Variants in RANBP2 observed in about 807,000 individuals in gnomAD.
RANBP2 encodes RAN binding protein 2.
A neutral mutation model predicts 303.6 loss-of-function variants in RANBP2; 57 were observed. That is an observed-to-expected ratio of 0.19 (90% CI 0.15 to 0.23). The LOEUF is 0.23. Ranked by LOEUF, RANBP2 falls within the 10% of genes least tolerant of loss-of-function variation. The probability of loss-of-function intolerance (pLI) is 1.00; values close to 1 mark genes in which losing one functional copy is unlikely to be tolerated. For synonymous variants in RANBP2, 1,167 were observed against 1,301.5 expected, an observed-to-expected ratio of 0.90 and a Z score of 2.23; for missense variants, 3,138 against 3,780.8, an observed-to-expected ratio of 0.83 and a Z score of 4.46.
the RANBP2 span, among the ~76,000 whole-genome samples, chr2:109,460,224 A>G: frequency 6.6e-6 from 1 of 152,240 alleles, no homozygotes; most frequent in African/African-American, 2.4e-5. Flanking sequence ...CTTTGGCAGA[A>G]GCATTGTGTG....
At chr2:108,896,944 A>G in the RANBP2 span, 1 of 1,612,920 alleles carries the variant, frequency 6.2e-7, no homozygotes, top group South Asian at 1.1e-5. Context: ...AGGTGGCACA[A>G]CCCCCGCCCA....
At chr2:109,458,572 CAGAGAGAG>C in the RANBP2 span, among the ~76,000 whole-genome samples, 6 of 123,044 alleles carry the variant, frequency 4.9e-5, no homozygotes, top group South Asian at 2.7e-4. Context: ...CAGCAGGAGA[CAGAGAGAG>C]AGAGAGAGAG....
the RANBP2 span, among the ~76,000 whole-genome samples, chr2:109,316,957 C>T: frequency 1.3e-5 from 2 of 152,124 alleles, no homozygotes; most frequent in Non-Finnish European, 2.9e-5. Context: ...TGAGGTTCCT[C>T]CATGTCTTTT....
chr2:109,027,939 G>C, the RANBP2 span, among the ~76,000 whole-genome samples: 1 of 152,236 alleles, frequency 6.6e-6, no homozygotes, highest in Non-Finnish European at 1.5e-5. Flanking sequence ...GTGTCCTGCT[G>C]AGGCAGGGAA....
chr2:109,046,341 G>T, the RANBP2 span, among the ~76,000 whole-genome samples: 2 of 148,664 alleles, frequency 1.3e-5, no homozygotes, highest in Non-Finnish European at 3.0e-5. Context: ...AAGGATTTTG[G>T]TTTTGGTGGT....
At chr2:109,501,780 G>A in the RANBP2 span, 1 of 633,082 alleles carries the variant, frequency 1.6e-6, no homozygotes, top group Non-Finnish European at 2.9e-6. Context: ...TCATCTCCAA[G>A]GCACCTGGCG....
the RANBP2 span, among the ~76,000 whole-genome samples, chr2:109,077,463 G>T: frequency 1.3e-5 from 2 of 150,376 alleles, no homozygotes; most frequent in Admixed American, 1.3e-4. Context: ...AAACAAGTGG[G>T]ACTAGATTAA....
the RANBP2 span, among the ~76,000 whole-genome samples, chr2:109,084,567 G>C: frequency 6.6e-6 from 1 of 152,192 alleles, no homozygotes; most frequent in Non-Finnish European, 1.5e-5. Context: ...TGCCATCTCT[G>C]TAGGATACTA....
At chr2:109,320,417 T>C in the RANBP2 span, among the ~76,000 whole-genome samples, 1 of 152,174 alleles carries the variant, frequency 6.6e-6, no homozygotes, top group Admixed American at 6.5e-5. Flanking sequence ...CCATCCTTCC[T>C]GCTGGAACCA....
chr2:109,628,463 C>T, the RANBP2 span, among the ~76,000 whole-genome samples: 1 of 151,496 alleles, frequency 6.6e-6, no homozygotes, highest in Admixed American at 6.6e-5. Flanking sequence ...CACTGCACTC[C>T]AGCCTGGATG....
At chr2:108,722,602 C>G (rs1694356093) in intron 1 of RANBP2, among the ~76,000 whole-genome samples, 1 of 145,692 alleles carries the variant, frequency 6.9e-6, no homozygotes, top group Non-Finnish European at 1.5e-5. Context: ...TTAGTCTTCT[C>G]TTGTTTTGCC....
chr2:109,411,043 A>G, the RANBP2 span, among the ~76,000 whole-genome samples: 2 of 152,334 alleles, frequency 1.3e-5, no homozygotes, highest in East Asian at 1.9e-4. Flanking sequence ...TTAAAAATCA[A>G]AGCAGCATCA....
At chr2:108,748,041 CAT>C (rs753271915) in intron 8 of RANBP2, among the ~76,000 whole-genome samples, 4 of 152,092 alleles carry the variant, frequency 2.6e-5, no homozygotes, top group Admixed American at 6.6e-5. Context: ...TAAATGGAAT[CAT>C]ATAGTATGTG....
chr2:108,959,959 T>C, the RANBP2 span, among the ~76,000 whole-genome samples: 1 of 152,170 alleles, frequency 6.6e-6, no homozygotes, highest in Non-Finnish European at 1.5e-5. Context: ...CTATACCACA[T>C]GGTCCCTTTC....
the RANBP2 span, among the ~76,000 whole-genome samples, chr2:108,849,045 T>G: frequency 2.0e-5 from 3 of 152,156 alleles, no homozygotes; most frequent in Non-Finnish European, 4.4e-5. Flanking sequence ...ATAAAAAGAC[T>G]TCAATCAGAT....
intron 5 of RANBP2, 108 bp from the exon 6 acceptor site, chr2:108,735,996 A>T: frequency 6.2e-7 from 1 of 1,605,640 alleles, no homozygotes; most frequent in Non-Finnish European, 8.5e-7. Flanking sequence ...AAATCAATAT[A>T]GTTTCACAAA....
the RANBP2 span, among the ~76,000 whole-genome samples, chr2:109,014,896 C>A: frequency 1.3e-5 from 2 of 151,848 alleles, no homozygotes; most frequent in Non-Finnish European, 2.9e-5. Context: ...CCCAGGTGGG[C>A]GGATCACGAG....
At chr2:109,386,099 C>A in the RANBP2 span, among the ~76,000 whole-genome samples, 1 of 152,306 alleles carries the variant, frequency 6.6e-6, no homozygotes, top group African/African-American at 2.4e-5. Context: ...TAGATTGGAT[C>A]TGGAAGCTAA....
the RANBP2 span, among the ~76,000 whole-genome samples, chr2:109,338,143 C>T: frequency 6.6e-6 from 1 of 152,190 alleles, no homozygotes; most frequent in Non-Finnish European, 1.5e-5. Flanking sequence ...AAGTTATTTG[C>T]TACCAACAGG....
Sources: gnomAD v4.1 joint callset for allele counts (sites outside exome capture counted in the v4.1 genomes callset) on GRCh38, gnomAD v4.1.1 for gene constraint, MANE v1.5 for transcripts, NCBI Gene and HGNC (gene_info 2026-07-23, HGNC 2026-07-21) for gene names.